RAVER1: variants seen among roughly 807,000 people sequenced by gnomAD.
RAVER1 encodes the protein ribonucleoprotein, PTB binding 1, also known as ribonucleoprotein PTB-binding 1.
Under a neutral mutation model 68.4 loss-of-function variants are expected in RAVER1, and 36 were observed. The observed-to-expected ratio is 0.53, with a 90% CI of 0.40 to 0.70. RAVER1 has a LOEUF of 0.70. Among genes scored for constraint, RAVER1 ranks in the 30% least tolerant of loss-of-function variants. The pLI, the probability that RAVER1 is intolerant of heterozygous loss-of-function variation, is 0.00. For synonymous variants in RAVER1, 469 were observed against 472.7 expected (o/e 0.99, Z 0.10); for missense variants, 933 against 1,019.8 (o/e 0.91, Z 1.16).
rs918531740 is a variant in RAVER1 at position 10,323,666 on chromosome 19, T to C, written c.757-100A>G. The C allele has an allele frequency of 1.6e-6, 2 of 1,260,386 alleles. No individual in the cohort carries two copies. The highest frequency in any genetic ancestry group is 5.0e-5 in the Admixed American group (2 of 39,948). The allele number at this position is 1,260,386 out of a possible 1,614,324, so 78.1% of individuals were successfully genotyped here. A position where few individuals can be genotyped will look rare whatever the true frequency, so the allele number is the denominator to read the frequency against. ...ACCAGACTCAGCTGCCCCATAAGGG[T>C]GAACTCCACGCCAGGCCTCCACTGC... On this transcript the variant is annotated intron_variant, in intron 3 of 12. Coordinates refer to ENST00000617231, the MANE Select transcript of RAVER1 (RefSeq NM_133452.3). The surrounding 1 kb of genome is among the most constrained non-coding windows in gnomAD (Gnocchi z 6.2).
chr19:10,329,758 T>C lies in RAVER1; in HGVS notation c.287-647A>G, dbSNP rs907026750. On this transcript the variant is annotated intron_variant, in intron 2 of 12. Coordinates refer to ENST00000617231, the MANE Select transcript of RAVER1 (RefSeq NM_133452.3). This position sits in a 1 kb window ranked among gnomAD's most constrained non-coding sequence, Gnocchi z 4.6. Reference sequence around the variant, plus strand: ...GTTCAAAACGATCACGCCACATCCATCTTGTGGCTTCTAGCTGCAGGGTGC... The same window carrying C: ...GTTCAAAACGATCACGCCACATCCACCTTGTGGCTTCTAGCTGCAGGGTGC... Among the ~76,000 whole-genome samples the C allele has an allele frequency of 6.6e-6, 1 of 152,068 alleles. No individual in the cohort carries two copies. The highest frequency in any genetic ancestry group is 1.9e-4 in the East Asian group (1 of 5,176).
chr19:10,318,117 G>A, intron 11 of RAVER1, 112 bp downstream of exon 11: 5 of 934,766 alleles, frequency 5.3e-6, no homozygotes, highest in Middle Eastern at 6.6e-4. Context: ...ACCAACCCCT[G>A]CCACCACCCC....
In RAVER1 at chr19:10,322,669, G is replaced by A. The variant is rs751417039; in HGVS notation, c.1149C>T (p.Leu383=). 41 of 1,544,302 alleles carry A rather than the reference G, an allele frequency of 2.7e-5. No individual in the cohort carries two copies. In the South Asian group the frequency reaches 3.3e-4, roughly 12 times the overall value. ...CCTTCTGGCCCTGGGTCTGCAGGGC[G>A]AGCTGCAACAGCGCCGTGGACAGGG... ...GPALSTALLQ[L]ALQTQGQKKP... The change falls in exon 6 of 13, where the codon CTC becomes CTT. Residue 383 remains leucine, a synonymous_variant. Coordinates refer to ENST00000617231, the MANE Select transcript of RAVER1 (RefSeq NM_133452.3). This position sits in a 1 kb window ranked among gnomAD's most constrained non-coding sequence, Gnocchi z 4.3.
Position 10,323,421 on chromosome 19 carries a change from G to A in RAVER1, c.902C>T (p.Pro301Leu), listed in dbSNP as rs769753605. 1.8e-5 allele frequency: 29 copies of A among 1,607,304 alleles called. No individual in the cohort carries two copies. Among genetic ancestry groups the A allele is most frequent in the Non-Finnish European group, 2.4e-5 (28 of 1,177,882 alleles). Reference protein sequence around the residue: ...HLRVSFCAPGPPGRSMLAALI... With the variant: ...HLRVSFCAPGLPGRSMLAALI... ...AGCGGCCAGCATACTGCGGCCGGGG[G>A]GCCCAGGGGCGCAGAAGGAGACTCG... is the stretch of plus-strand genomic sequence containing the variant. Residue 301 changes from proline (P) to leucine (L), a missense_variant, in exon 4 of 13, where the codon CCC (proline) becomes CTC (leucine). Physicochemically the swap from Pro to Leu is moderately conservative, Grantham distance 98. Transcript: ENST00000617231. This position sits in a 1 kb window ranked among gnomAD's most constrained non-coding sequence, Gnocchi z 6.2.
chr19:10,321,402 G>T, intron 7 of RAVER1, 129 bp downstream of exon 7: 1 of 865,608 alleles, frequency 1.2e-6, no homozygotes, highest in Non-Finnish European at 1.6e-6. Context: ...CCTGGGCCCT[G>T]AGTGGAGGGC....
In RAVER1 at chr19:10,328,012, G is replaced by A. The variant is rs978711454; in HGVS notation, c.756+630C>T. On this transcript the variant is annotated intron_variant, in intron 3 of 12. Transcript: ENST00000617231. This position sits in a 1 kb window ranked among gnomAD's most constrained non-coding sequence, Gnocchi z 4.4. The stretch of plus-strand genomic sequence containing the variant: ...GAGGAGGGAAACTGCAGATCAGAGA[G>A]CCAGTGACTGGCCCGAGCTCGAGGG... 4.0e-5 allele frequency among the ~76,000 whole-genome samples: 6 copies of A among 150,786 alleles called. No homozygotes were observed. The highest frequency in any genetic ancestry group is 1.5e-4 in the African/African-American group (6 of 40,928).
Position 10,323,506 on chromosome 19 carries a change from C to T in RAVER1, c.817G>A (p.Glu273Lys). Residue 273 changes from glutamate (E) to lysine (K), a missense_variant, in exon 4 of 13, where the codon GAG (glutamate) becomes AAG (lysine). Glu to Lys is a moderately conservative substitution (Grantham distance 56). Transcript: ENST00000617231. The surrounding 1 kb of genome is among the most constrained non-coding windows in gnomAD (Gnocchi z 6.2). ...GFAVLEYETA[E>K]MAEEAQQQAD... Reference sequence around the variant, plus strand: ...TGCTGCTGTGCCTCCTCCGCCATCTCAGCCGTCTCATACTCCAGCACCGCG... The same window carrying T: ...TGCTGCTGTGCCTCCTCCGCCATCTTAGCCGTCTCATACTCCAGCACCGCG... 1 of 1,609,134 alleles carries T rather than the reference C, an allele frequency of 6.2e-7. No homozygotes were observed. Among genetic ancestry groups the T allele is most frequent in the Non-Finnish European group, 8.5e-7 (1 of 1,179,698 alleles).
At position 10,316,588 on chromosome 19, in the gene RAVER1, G is replaced by A. The variant is rs1268259499; in HGVS notation, c.*866C>T. The A allele has an allele frequency of 3.4e-5, 34 of 986,740 alleles. No homozygotes were observed. The highest frequency in any genetic ancestry group is 1.8e-4 in the Admixed American group (3 of 16,274). 61.1% of individuals were successfully genotyped at this position (986,740 alleles called of 1,614,324 possible). On this transcript the variant is annotated 3_prime_UTR_variant, in exon 13 of 13. Transcript: ENST00000617231. ...TCCCACAGACAGACAGCAGGGGACTGGCAGAGAAAGCCCATCTCTGCACGG... is the reference window on the plus strand; with the variant it reads ...TCCCACAGACAGACAGCAGGGGACTAGCAGAGAAAGCCCATCTCTGCACGG...
intron 1 of RAVER1, among the ~76,000 whole-genome samples, chr19:10,330,862 G>A (rs976568156): frequency 4.0e-5 from 6 of 151,752 alleles, no homozygotes; most frequent in African/African-American, 9.7e-5. Context: ...TCAGGAGTTC[G>A]AGACCAGCCT....
rs185392727 is a variant in RAVER1 at position 10,323,798 on chromosome 19, G to A, written c.757-232C>T. On this transcript the variant is annotated intron_variant, in intron 3 of 12. Coordinates refer to ENST00000617231, the MANE Select transcript of RAVER1 (RefSeq NM_133452.3). This position sits in a 1 kb window ranked among gnomAD's most constrained non-coding sequence, Gnocchi z 6.2. ...GCAACTGAGGCACGGAGAGGTCAGC[G>A]CACCCAAGGCCACACAGCTGGAGGG... Among the ~76,000 whole-genome samples the A allele has an allele frequency of 8.7e-4, 132 of 152,216 alleles. 1 individual carries two copies. Among genetic ancestry groups the A allele is most frequent in the African/African-American group, 2.6e-3 (110 of 41,534 alleles).
rs1318022833 is a variant in RAVER1 at position 10,322,458 on chromosome 19, G to A, written c.1173+187C>T. 17 of 528,074 alleles carry A rather than the reference G, an allele frequency of 3.2e-5. No individual in the cohort carries two copies. The Admixed American group carries it at 3.9e-4, about 12-fold the overall frequency. 32.7% of individuals were successfully genotyped at this position (528,074 alleles called of 1,614,324 possible). On this transcript the variant is annotated intron_variant, in intron 6 of 12. Coordinates refer to ENST00000617231, the MANE Select transcript of RAVER1 (RefSeq NM_133452.3). The surrounding 1 kb of genome is among the most constrained non-coding windows in gnomAD (Gnocchi z 4.3). ...GGAGGGAAAGATGGCGAACCATCATGAGCAATTGCCAGAGGGGGATGGGGA... is the reference window on the plus strand; with the variant it reads ...GGAGGGAAAGATGGCGAACCATCATAAGCAATTGCCAGAGGGGGATGGGGA...
chr19:10,319,891 C>T (rs995108734), intron 9 of RAVER1, among the ~76,000 whole-genome samples: 3 of 151,718 alleles, frequency 2.0e-5, no homozygotes, highest in Non-Finnish European at 4.4e-5. Flanking sequence ...CTGCCCGCCT[C>T]GGCCTCCCAA....
Position 10,319,373 on chromosome 19 carries a change from G to A in RAVER1, c.1771-133C>T, listed in dbSNP as rs576443565. 2.0e-5 allele frequency: 16 copies of A among 810,978 alleles called. No homozygotes were observed. In the East Asian group the frequency reaches 3.1e-4, roughly 15 times the overall value. 50.2% of individuals were successfully genotyped at this position (810,978 alleles called of 1,614,324 possible). A position where few individuals can be genotyped will look rare whatever the true frequency, so the allele number is the denominator to read the frequency against. The stretch of plus-strand genomic sequence containing the variant: ...GGGACCAGGAAGAGGCAAATTTGGG[G>A]CTGGATGCAGCTTGGCAGGGATGGC... On this transcript the variant is annotated intron_variant, in intron 9 of 12. Coordinates refer to ENST00000617231, the MANE Select transcript of RAVER1 (RefSeq NM_133452.3).
rs2040491354 is a variant in RAVER1, at chr19:10,328,653, T to G, written c.745A>C (p.Thr249Pro). Residue 249 changes from threonine to proline, a missense_variant, in exon 3 of 13, where the codon ACC becomes CCC. By Grantham distance (38) the Thr-to-Pro change is conservative. Coordinates refer to ENST00000617231, the MANE Select transcript of RAVER1 (RefSeq NM_133452.3). This position sits in a 1 kb window ranked among gnomAD's most constrained non-coding sequence, Gnocchi z 4.4. ...TCCACAGGGCTCACCTGGCAGAAGG[T>G]GGGGCTGTGGACAGCTGACAGCGCC... ...CRALSAVHSP[T>P]FCQLACGQDG... is the part of the protein sequence containing the mutation. 6.4e-7 allele frequency: 1 copy of G among 1,558,622 alleles called. No individual in the cohort carries two copies. Among genetic ancestry groups the G allele is most frequent in the East Asian group, 2.4e-5 (1 of 41,624 alleles).
At position 10,330,152 on chromosome 19, in the gene RAVER1, G is replaced by A. The variant is rs75628936; in HGVS notation, c.286+308C>T. On this transcript the variant is annotated intron_variant, in intron 2 of 12. Transcript: ENST00000617231. ...AAAAAAAAAAAAGACCACACAAGCA[G>A]GGGTGACTGGCTGAGTGAGGCAAGA... 6.6e-3 allele frequency among the ~76,000 whole-genome samples: 1,009 copies of A among 151,828 alleles called. 7 individuals are homozygous for A. The highest frequency in any genetic ancestry group is 0.01 in the Non-Finnish European group (699 of 67,952).
At position 10,323,591 on chromosome 19, in the gene RAVER1, T is replaced by C; in HGVS notation, c.757-25A>G. 1.9e-6 allele frequency: 3 copies of C among 1,562,250 alleles called. No homozygotes were observed. The highest frequency in any genetic ancestry group is 1.7e-6 in the Non-Finnish European group (2 of 1,156,208). ...GCTGCCGGAGGAAGGCAGGCAGTCA[T>C]GAGCATCTGGGCAGCAGTGACTGCA... On this transcript the variant is annotated intron_variant, in intron 3 of 12. Coordinates refer to ENST00000617231, the MANE Select transcript of RAVER1 (RefSeq NM_133452.3). This position sits in a 1 kb window ranked among gnomAD's most constrained non-coding sequence, Gnocchi z 6.2.
chr19:10,323,167 A>G lies in RAVER1; in HGVS notation c.1056T>C (p.His352=), dbSNP rs903543794. The G allele has an allele frequency of 1.1e-5, 17 of 1,608,836 alleles. No individual in the cohort carries two copies. In the African/African-American group the frequency reaches 2.1e-4, roughly 20 times the overall value. ...SLQLLLNPLL[H]GSAGGKQGLL... ...TACCCTGCTTCCCCCCCGCACTGCC[A>G]TGGAGCAGGGGGTTGAGCAGCAGCT... The change falls in exon 5 of 13, where the codon CAT becomes CAC. Residue 352 remains histidine, a synonymous_variant. Transcript: ENST00000617231. The surrounding 1 kb of genome is among the most constrained non-coding windows in gnomAD (Gnocchi z 6.2).
intron 10 of RAVER1, among the ~76,000 whole-genome samples, chr19:10,318,823 T>C (rs1181288138): frequency 3.3e-5 from 5 of 152,164 alleles, no homozygotes; most frequent in African/African-American, 9.7e-5. Flanking sequence ...TGAGGCCACA[T>C]AGCTCACTGA....
Position 10,326,755 on chromosome 19 carries a change from G to GTTT in RAVER1, c.756+1884_756+1886dup, listed in dbSNP as rs34915880. Among the ~76,000 whole-genome samples, 24 of 114,372 alleles carry GTTT rather than the reference G, an allele frequency of 2.1e-4. 2 individuals carry two copies. Among genetic ancestry groups the GTTT allele is most frequent in the African/African-American group, 3.1e-4 (9 of 29,108 alleles). 75.0% of individuals were successfully genotyped at this position (114,372 alleles called of 152,430 possible). ...AAGCGTGAGCCACTGCGCCTGGCCTGTTTTTTTTTTTTTTTTTTTTTCTGT... is the reference window on the plus strand; with the variant it reads ...AAGCGTGAGCCACTGCGCCTGGCCTGTTTTTTTTTTTTTTTTTTTTTTTTCTGT... On this transcript the variant is annotated intron_variant, in intron 3 of 12. Coordinates refer to ENST00000617231, the MANE Select transcript of RAVER1 (RefSeq NM_133452.3).
Sources: gnomAD v4.1 joint callset for allele counts (sites outside exome capture counted in the v4.1 genomes callset) on GRCh38, gnomAD v4.1.1 for gene constraint, Gnocchi (gnomAD v3.1) non-coding constraint, MANE v1.5 for transcripts, NCBI Gene and HGNC (gene_info 2026-07-23, HGNC 2026-07-21) for gene names.